The following TM9SF2 variants were observed in gnomAD, a reference collection of about 807,000 sequenced individuals.
TM9SF2 encodes the protein 76 kDa membrane protein.
A neutral mutation model predicts 84.9 loss-of-function variants in TM9SF2; 13 were observed. The ratio of observed to expected loss-of-function variants is 0.15; its 90% confidence interval spans 0.10 to 0.24. TM9SF2 has a LOEUF of 0.24. Ranked by LOEUF, TM9SF2 falls within the 10% of genes least tolerant of loss-of-function variation. The pLI is 1.00. For synonymous variants in TM9SF2, 273 were observed against 285.8 expected, an observed-to-expected ratio of 0.96 and a Z score of 0.45; for missense variants, 562 against 818.5, an observed-to-expected ratio of 0.69 and a Z score of 3.82.
intron 2 of TM9SF2, 65 bp from the exon 3 acceptor site, chr13:99,519,971 T>G (rs538236955): frequency 3.4e-5 from 48 of 1,419,442 alleles, no homozygotes; most frequent in Non-Finnish European, 2.8e-5. Flanking sequence ...CTCTCAAGAT[T>G]GGCTAGGTGT....
In TM9SF2 at chr13:99,503,638, A is replaced by C. The variant is rs984997582; in HGVS notation, c.171+1861A>C. On this transcript the variant is annotated intron_variant, in intron 1 of 16. Transcript: ENST00000376387. ...GCAGGAAGAATCGCTTGAACTCTGG[A>C]GGTGGAGGTTGCAGTGAGCTGAGAT... Among the ~76,000 whole-genome samples, 6 of 136,854 alleles carry C rather than the reference A, an allele frequency of 4.4e-5. No individual in the cohort carries two copies. In the East Asian group the frequency reaches 1.5e-3, roughly 33 times the overall value. The allele number at this position is 136,854 out of a possible 152,430, so 89.8% of individuals were successfully genotyped here.
rs1473880692 is a variant in TM9SF2, at chr13:99,536,653, T to G, written c.507T>G (p.Asp169Glu). 4 of 1,613,838 alleles carry G rather than the reference T, an allele frequency of 2.5e-6. No homozygotes were observed. Among genetic ancestry groups the G allele is most frequent in the Non-Finnish European group, 3.4e-6 (4 of 1,179,792 alleles). The change falls in exon 5 of 17, where the codon GAT becomes GAG. Residue 169 changes from aspartate to glutamate, a missense_variant. Coordinates refer to ENST00000376387, the MANE Select transcript of TM9SF2 (RefSeq NM_004800.3). ...MPVTWCYDVE[D>E]GQRFCNPGFP... ...TAACGTGGTGTTACGATGTTGAAGA[T>G]GGTCAGAGGTTCTGTAATCCTGGAT...
chr13:99,536,376 A>G (rs983188905), intron 4 of TM9SF2, among the ~76,000 whole-genome samples: 5 of 151,898 alleles, frequency 3.3e-5, no homozygotes, highest in Non-Finnish European at 7.4e-5. Flanking sequence ...AGTTGTAAAC[A>G]CCACTGCACT....
intron 1 of TM9SF2, among the ~76,000 whole-genome samples, chr13:99,509,037 T>A (rs2046101966): frequency 1.3e-5 from 2 of 152,176 alleles, no homozygotes; most frequent in Admixed American, 1.3e-4. Context: ...CAAGTCTCAT[T>A]TGAGACAAGG....
chr13:99,529,359 T>C, intron 3 of TM9SF2, 108 bp from the exon 4 acceptor site: 2 of 940,504 alleles, frequency 2.1e-6, no homozygotes, highest in Non-Finnish European at 2.9e-6. Flanking sequence ...CCAATATTAA[T>C]GCACTTAAGT....
chr13:99,528,053 G>A (rs758772035), intron 3 of TM9SF2, among the ~76,000 whole-genome samples: 13 of 152,144 alleles, frequency 8.5e-5, no homozygotes, highest in Non-Finnish European at 1.6e-4. Flanking sequence ...ACGTTTTCCC[G>A]AATAGAAACA....
chr13:99,552,389 C>A, intron 13 of TM9SF2, 63 bp downstream of exon 13: 2 of 1,474,366 alleles, frequency 1.4e-6, no homozygotes, highest in South Asian at 1.2e-5. Context: ...CATATGCCAT[C>A]TCAAAAGATA....
chr13:99,549,415 A>G (rs955133735), intron 12 of TM9SF2, among the ~76,000 whole-genome samples, 193 bp downstream of exon 12: 1 of 152,198 alleles, frequency 6.6e-6, no homozygotes, highest in Non-Finnish European at 1.5e-5. Flanking sequence ...TATCTGGGGA[A>G]AGTACCTTTA....
chr13:99,511,293 A>G (rs887429953), intron 1 of TM9SF2, among the ~76,000 whole-genome samples: 13 of 151,882 alleles, frequency 8.6e-5, no homozygotes, highest in African/African-American at 2.9e-4. Flanking sequence ...GTGTGTATTT[A>G]TGTTTTATAG....
At position 99,539,483 on chromosome 13, in the gene TM9SF2, G is replaced by A; in HGVS notation, c.754G>A (p.Gly252Arg). The A allele has an allele frequency of 6.2e-7, 1 of 1,613,838 alleles. No individual in the cohort carries two copies. The highest frequency in any genetic ancestry group is 2.2e-5 in the East Asian group (1 of 44,858). ...CCATATAGATAAACCAGACTGCTCA[G>A]GGCCCCCCATGGACATAAGTAACAA... ...HTHIDKPDCS[G>R]PPMDISNKAS... The change falls in exon 7 of 17, where the codon GGG becomes AGG. Residue 252 changes from glycine to arginine, a missense_variant. Coordinates refer to ENST00000376387, the MANE Select transcript of TM9SF2 (RefSeq NM_004800.3).
Position 99,501,563 on chromosome 13 carries a change from C to G in TM9SF2, c.-44C>G. 5 of 1,596,250 alleles carry G rather than the reference C, an allele frequency of 3.1e-6. No individual in the cohort carries two copies. The highest frequency in any genetic ancestry group is 4.3e-6 in the Non-Finnish European group (5 of 1,171,532). ...CGAGACTCCCCACCCCTCCTTCCCT[C>G]TTGACCCCCTAGGTTTGATTGCCCT... On this transcript the variant is annotated 5_prime_UTR_variant, in exon 1 of 17. Coordinates refer to ENST00000376387, the MANE Select transcript of TM9SF2 (RefSeq NM_004800.3).
At position 99,562,948 on chromosome 13, in the gene TM9SF2, T is replaced by C; in HGVS notation, c.*190T>C. 2.0e-6 allele frequency: 1 copy of C among 492,314 alleles called. No individual in the cohort carries two copies. The highest frequency in any genetic ancestry group is 3.3e-5 in the East Asian group (1 of 30,598). The allele number at this position is 492,314 out of a possible 1,614,324, so 30.5% of individuals were successfully genotyped here. On this transcript the variant is annotated 3_prime_UTR_variant, in exon 17 of 17. Coordinates refer to ENST00000376387, the MANE Select transcript of TM9SF2 (RefSeq NM_004800.3). The stretch of plus-strand genomic sequence containing the variant: ...GATGTGTCTTCAACACTATAAAGCA[T>C]TTGTATTGTGATTTGATTAAGTATA...
At chr13:99,555,921 A>G (rs1482491191) in intron 15 of TM9SF2, among the ~76,000 whole-genome samples, 1 of 152,204 alleles carries the variant, frequency 6.6e-6, no homozygotes, top group Non-Finnish European at 1.5e-5. Flanking sequence ...TAACTGACTT[A>G]AAAATTAATA....
intron 2 of TM9SF2, 150 bp downstream of exon 2, chr13:99,517,831 T>C (rs1029678030): frequency 2.7e-5 from 8 of 290,958 alleles, no homozygotes; most frequent in Non-Finnish European, 4.4e-5. Flanking sequence ...AATGTGATCT[T>C]TTTTTTAATG....
chr13:99,507,599 A>G (rs933480873), intron 1 of TM9SF2, among the ~76,000 whole-genome samples: 1 of 152,204 alleles, frequency 6.6e-6, no homozygotes, highest in Non-Finnish European at 1.5e-5. Flanking sequence ...CTGATCGGAT[A>G]ACTCAGAGCT....
chr13:99,529,634 C>G, intron 4 of TM9SF2, 40 bp downstream of exon 4: 1 of 1,455,234 alleles, frequency 6.9e-7, no homozygotes, highest in East Asian at 2.6e-5. Context: ...TTTATCCTTT[C>G]CATATGAAAT....
chr13:99,556,614 C>T lies in TM9SF2; in HGVS notation c.1752+967C>T, dbSNP rs554434874. Among the ~76,000 whole-genome samples, 46 of 144,534 alleles carry T rather than the reference C, an allele frequency of 3.2e-4. 1 individual carries two copies. In the South Asian group the frequency reaches 7.4e-3, roughly 23 times the overall value. 94.8% of individuals were successfully genotyped at this position (144,534 alleles called of 152,430 possible). A position where few individuals can be genotyped will look rare whatever the true frequency, so the allele number is the denominator to read the frequency against. On this transcript the variant is annotated intron_variant, in intron 15 of 16. Transcript: ENST00000376387. ...TCCTTTTTTTCTTGAGACGGAGTCT[C>T]GCTCTGCTGCCCAGGCTGGAGTGCA...
At chr13:99,507,790 G>T (rs1031082029) in intron 1 of TM9SF2, among the ~76,000 whole-genome samples, 14 of 152,214 alleles carry the variant, frequency 9.2e-5, no homozygotes, top group African/African-American at 3.4e-4. Flanking sequence ...CTTGTCATTT[G>T]CCATGACCCT....
At chr13:99,520,333 T>C (rs2046153889) in intron 3 of TM9SF2, among the ~76,000 whole-genome samples, 1 of 152,176 alleles carries the variant, frequency 6.6e-6, no homozygotes. Context: ...TAATGAACAT[T>C]CACGCAACTA....
Sources: allele counts gnomAD v4.1 joint callset (sites outside exome capture counted in the v4.1 genomes callset), GRCh38; gene constraint gnomAD v4.1.1; transcripts MANE v1.5; gene names NCBI Gene and HGNC (gene_info 2026-07-23, HGNC 2026-07-21).